The following EHHADH variants were observed in gnomAD, a reference collection of about 807,000 sequenced individuals.
The protein encoded by EHHADH is enoyl-CoA hydratase and 3-hydroxyacyl CoA dehydrogenase, also known as peroxisomal bifunctional enzyme.
Under a neutral mutation model 64.4 loss-of-function variants are expected in EHHADH, and 48 were observed. That is an observed-to-expected ratio of 0.75 (90% CI 0.59 to 0.95). The LOEUF (loss-of-function observed/expected upper bound fraction) is 0.95. Among genes scored for constraint, EHHADH ranks in the 40% least tolerant of loss-of-function variants. The pLI is 0.00. For synonymous variants in EHHADH, 308 were observed against 326.7 expected, an observed-to-expected ratio of 0.94 and a Z score of 0.62; for missense variants, 854 against 876.6, an observed-to-expected ratio of 0.97 and a Z score of 0.33.
intron 2 of EHHADH, among the ~76,000 whole-genome samples, chr3:185,238,707 G>C (rs114293605): frequency 2.0e-5 from 3 of 151,968 alleles, no homozygotes; most frequent in East Asian, 3.8e-4. Context: ...GTCCTTTGTC[G>C]GATGCACAGT....
intron 5 of EHHADH, among the ~76,000 whole-genome samples, chr3:185,217,123 C>T (rs1247352698): frequency 2.6e-5 from 4 of 152,028 alleles, no homozygotes; most frequent in Admixed American, 6.6e-5. Context: ...AAATGTGGTC[C>T]CCAGTGTTTG....
rs564239566 is a variant in EHHADH, at chr3:185,230,406, G to A, written c.352-863C>T. 4.6e-5 allele frequency among the ~76,000 whole-genome samples: 7 copies of A among 152,228 alleles called. No individual in the cohort carries two copies. In the East Asian group the frequency reaches 1.3e-3, roughly 29 times the overall value. On this transcript the variant is annotated intron_variant, in intron 3 of 6. Transcript: ENST00000231887. The stretch of plus-strand genomic sequence containing the variant: ...ACCATGGTTCATAAAAGCCAAAAAA[G>A]TAGAAGCAACCCAAATGTCCATCAA...
Position 185,229,555 on chromosome 3 carries a change from T to G in EHHADH, c.352-12A>C. On this transcript the variant is annotated splice_polypyrimidine_tract_variant and intron_variant, in intron 3 of 6. Transcript: ENST00000231887. ...AAGCCAACTTGAGCCTATCAAAGAT[T>G]GAAGGCATAAAGGCCATTAGCATGA... The G allele has an allele frequency of 6.5e-7, 1 of 1,533,222 alleles. No individual in the cohort carries two copies. The highest frequency in any genetic ancestry group is 8.8e-7 in the Non-Finnish European group (1 of 1,131,230). The allele number at this position is 1,533,222 out of a possible 1,614,324, so 95.0% of individuals were successfully genotyped here.
chr3:185,210,665 G>T (rs1022360832), intron 5 of EHHADH, among the ~76,000 whole-genome samples: 7 of 151,364 alleles, frequency 4.6e-5, no homozygotes, highest in African/African-American at 1.7e-4. Flanking sequence ...AATATTTAAA[G>T]GTGGGGCCTA....
intron 5 of EHHADH, among the ~76,000 whole-genome samples, chr3:185,209,640 G>A (rs1718486237): frequency 6.6e-6 from 1 of 152,232 alleles, no homozygotes; most frequent in African/African-American, 2.4e-5. Flanking sequence ...CCAAGGGAAC[G>A]TGAGTAAGGT....
chr3:185,200,169 T>G (rs1171831901), intron 6 of EHHADH, among the ~76,000 whole-genome samples: 2 of 152,188 alleles, frequency 1.3e-5, no homozygotes, highest in Admixed American at 1.3e-4. Flanking sequence ...ATGTGTTGCC[T>G]AACCAGCCCA....
At chr3:185,253,617 G>A (rs1178828632) in intron 1 of EHHADH, among the ~76,000 whole-genome samples, 1 of 151,442 alleles carries the variant, frequency 6.6e-6, no homozygotes, top group African/African-American at 2.4e-5. Flanking sequence ...AGCCAAAGTT[G>A]CAAGTAAGCA....
chr3:185,210,839 G>A (rs1331904955), intron 5 of EHHADH, among the ~76,000 whole-genome samples: 3 of 152,044 alleles, frequency 2.0e-5, no homozygotes, highest in African/African-American at 7.2e-5. Context: ...AAAAAGAGAG[G>A]AGAGAACAAA....
intron 4 of EHHADH, among the ~76,000 whole-genome samples, chr3:185,227,960 G>A (rs1281921295): frequency 6.6e-6 from 1 of 151,696 alleles, no homozygotes; most frequent in African/African-American, 2.4e-5. Context: ...TATAGTAGGT[G>A]CTATTCCTAG....
At chr3:185,224,210 A>T (rs1718908885) in intron 4 of EHHADH, among the ~76,000 whole-genome samples, 2 of 152,004 alleles carry the variant, frequency 1.3e-5, no homozygotes, top group Middle Eastern at 3.2e-3. Context: ...TAGAAAAAAA[A>T]AAATTTCGGC....
At chr3:185,220,336 C>T (rs746186353) in intron 4 of EHHADH, among the ~76,000 whole-genome samples, 55 of 152,130 alleles carry the variant, frequency 3.6e-4, no homozygotes, top group Non-Finnish European at 5.9e-4. Context: ...CATATGATTA[C>T]GATATCATAT....
At chr3:185,198,906 T>C (rs557234728) in intron 6 of EHHADH, among the ~76,000 whole-genome samples, 1 of 150,780 alleles carries the variant, frequency 6.6e-6, no homozygotes, top group African/African-American at 2.5e-5. Flanking sequence ...GAATTTTATA[T>C]GTGAGTTACA....
chr3:185,232,840 G>A (rs892451907), intron 3 of EHHADH, among the ~76,000 whole-genome samples: 1 of 152,214 alleles, frequency 6.6e-6, no homozygotes, highest in Non-Finnish European at 1.5e-5. Flanking sequence ...CATACACAAA[G>A]TGCCAAAAGA....
intron 5 of EHHADH, among the ~76,000 whole-genome samples, chr3:185,212,450 T>C (rs2269228): frequency 0.92 from 140,450 of 152,296 alleles, 65,051 homozygotes; most frequent in African/African-American, 0.98. Flanking sequence ...CCCTTCCCAC[T>C]CGTAATTGGT....
rs1717837721 is a variant in EHHADH at position 185,190,678 on chromosome 3, A to G, written c.*1548T>C. 6.6e-6 allele frequency: 1 copy of G among 152,232 alleles called. No homozygotes were observed. Among genetic ancestry groups the G allele is most frequent in the Admixed American group, 6.5e-5 (1 of 15,284 alleles). The allele number at this position is 152,232 out of a possible 1,614,324, so 9.4% of individuals were successfully genotyped here. A position where few individuals can be genotyped will look rare whatever the true frequency, so the allele number is the denominator to read the frequency against. ...TGTCTTTAATTTCACAAACCAAATT[A>G]TATAAAATTAAGTAGTACACATTTC... On this transcript the variant is annotated 3_prime_UTR_variant, in exon 7 of 7. Transcript: ENST00000231887.
intron 1 of EHHADH, chr3:185,253,268 C>T (rs1438295126): frequency 6.7e-6 from 1 of 149,380 alleles, no homozygotes; most frequent in Non-Finnish European, 1.5e-5. Flanking sequence ...CCCACTAATG[C>T]CAGTGATTGC....
At chr3:185,250,041 C>A (rs1719703991) in intron 1 of EHHADH, among the ~76,000 whole-genome samples, 1 of 152,136 alleles carries the variant, frequency 6.6e-6, no homozygotes, top group Non-Finnish European at 1.5e-5. Context: ...AAGAGATAGA[C>A]AGAGAAAATA....
At chr3:185,228,520 A>T (rs1050984745) in intron 4 of EHHADH, among the ~76,000 whole-genome samples, 4 of 150,894 alleles carry the variant, frequency 2.7e-5, no homozygotes, top group Admixed American at 6.6e-5. Context: ...CTCTACTAAA[A>T]GTACAAAATT....
intron 4 of EHHADH, among the ~76,000 whole-genome samples, chr3:185,226,616 T>C (rs1274683924): frequency 7.0e-6 from 1 of 142,756 alleles, no homozygotes; most frequent in Non-Finnish European, 1.5e-5. Context: ...GCCACTGCAC[T>C]CCAGCCTGGG....
Sources: allele counts gnomAD v4.1 joint callset (sites outside exome capture counted in the v4.1 genomes callset), GRCh38; gene constraint gnomAD v4.1.1; transcripts MANE v1.5; gene names NCBI Gene and HGNC (gene_info 2026-07-23, HGNC 2026-07-21).